The following GMDS variants were observed in gnomAD, a reference collection of about 807,000 sequenced individuals.
The protein encoded by GMDS is GDP-mannose 4,6 dehydratase.
A neutral mutation model predicts 49.9 loss-of-function variants in GMDS; 20 were observed. The ratio of observed to expected loss-of-function variants is 0.40; its 90% CI spans 0.28 to 0.58. The LOEUF is 0.58. Among genes scored for constraint, GMDS ranks in the 20% least tolerant of loss-of-function variants. GMDS has a pLI of 0.42. For synonymous variants in GMDS, 177 were observed against 178.6 expected (o/e 0.99, Z 0.07); for missense variants, 362 against 481.4 (o/e 0.75, Z 2.32).
intron 7 of GMDS, among the ~76,000 whole-genome samples, chr6:1,794,059 C>T (rs1296127297): frequency 6.6e-6 from 1 of 152,122 alleles, no homozygotes; most frequent in African/African-American, 2.4e-5. Context: ...GAATGATTAT[C>T]CCAGGAGGAT....
intron 7 of GMDS, among the ~76,000 whole-genome samples, chr6:1,872,184 G>A (rs990299944): frequency 2.0e-5 from 3 of 152,338 alleles, no homozygotes; most frequent in African/African-American, 7.2e-5. Flanking sequence ...AACACTGGCC[G>A]GAATGCAGTG....
intron 4 of GMDS, among the ~76,000 whole-genome samples, chr6:2,110,549 C>T (rs541319252): frequency 9.4e-4 from 143 of 152,282 alleles, no homozygotes; most frequent in Non-Finnish European, 1.8e-3. Context: ...ACTCTGCCTC[C>T]TGACTGGCAT....
At chr6:1,691,412 A>G (rs533840253) in intron 9 of GMDS, among the ~76,000 whole-genome samples, 45 of 152,298 alleles carry the variant, frequency 3.0e-4, no homozygotes, top group Middle Eastern at 3.4e-3. Context: ...TGCTGGCCTT[A>G]ATACTTAGGT....
intron 4 of GMDS, among the ~76,000 whole-genome samples, chr6:2,017,046 T>G (rs568794798): frequency 2.0e-5 from 3 of 150,714 alleles, no homozygotes; most frequent in Middle Eastern, 3.4e-3. Flanking sequence ...GAAATAAACA[T>G]AAAAGCTGAA....
chr6:2,230,342 T>A (rs989490006), intron 1 of GMDS, among the ~76,000 whole-genome samples: 2 of 152,200 alleles, frequency 1.3e-5, no homozygotes, highest in Admixed American at 6.5e-5. Context: ...CCACAGCCCA[T>A]AAAGGTTAAG....
At chr6:2,161,751 C>T (rs758551898) in intron 1 of GMDS, among the ~76,000 whole-genome samples, 2 of 152,106 alleles carry the variant, frequency 1.3e-5, no homozygotes, top group Non-Finnish European at 2.9e-5. Flanking sequence ...CCAAAGGACC[C>T]CTTTAAGGGA....
chr6:2,004,837 C>T (rs1767053176), intron 4 of GMDS, among the ~76,000 whole-genome samples: 2 of 152,120 alleles, frequency 1.3e-5, no homozygotes, highest in African/African-American at 4.8e-5. Flanking sequence ...CAGTGGGTTT[C>T]TGATGTTTGG....
Position 1,905,234 on chromosome 6 carries a change from G to A in GMDS, c.771+24869C>T, listed in dbSNP as rs559036398. 1.1e-4 allele frequency among the ~76,000 whole-genome samples: 16 copies of A among 152,376 alleles called. 1 individual carries two copies. The South Asian group carries it at 1.4e-3, about 14-fold the overall frequency. ...CACACTGGGCCTCACCCCTGGTGCC[G>A]AGGGCACTGGCCGGTGTCATTAGAG... On this transcript the variant is annotated intron_variant, in intron 7 of 10. Transcript: ENST00000380815.
chr6:1,883,124 C>A (rs780914604), intron 7 of GMDS, among the ~76,000 whole-genome samples: 2 of 151,952 alleles, frequency 1.3e-5, no homozygotes, highest in Non-Finnish European at 1.5e-5. Context: ...TTTTATGGGC[C>A]GGGTGCGGTG....
intron 7 of GMDS, among the ~76,000 whole-genome samples, chr6:1,828,868 G>GC (rs1771238327): frequency 6.6e-6 from 1 of 152,128 alleles, no homozygotes; most frequent in Non-Finnish European, 1.5e-5. Flanking sequence ...CCCCTGCACT[G>GC]TAAAAAAATT....
At chr6:1,918,707 C>A (rs1761546540) in intron 7 of GMDS, among the ~76,000 whole-genome samples, 1 of 152,118 alleles carries the variant, frequency 6.6e-6, no homozygotes, top group Admixed American at 6.5e-5. Flanking sequence ...CAAAATCATG[C>A]CACTGCACTC....
At chr6:1,704,676 C>T (rs1051682380) in intron 9 of GMDS, among the ~76,000 whole-genome samples, 3 of 152,160 alleles carry the variant, frequency 2.0e-5, no homozygotes, top group African/African-American at 7.2e-5. Flanking sequence ...GTAATACGTA[C>T]GCGGTAAGTG....
intron 4 of GMDS, among the ~76,000 whole-genome samples, chr6:2,056,188 C>T (rs544556375): frequency 1.3e-5 from 2 of 152,236 alleles, no homozygotes; most frequent in African/African-American, 4.8e-5. Flanking sequence ...AAATAAGACA[C>T]ATATAACTCC....
At chr6:2,093,562 T>G (rs1773436383) in intron 4 of GMDS, among the ~76,000 whole-genome samples, 1 of 152,188 alleles carries the variant, frequency 6.6e-6, no homozygotes, top group Admixed American at 6.5e-5. Flanking sequence ...AGCATTTTAA[T>G]TATAATGCTC....
chr6:1,678,941 A>T (rs1416796356), intron 9 of GMDS, among the ~76,000 whole-genome samples: 1 of 152,214 alleles, frequency 6.6e-6, no homozygotes, highest in Admixed American at 6.5e-5. Context: ...GCCATAGCAC[A>T]TTCTGATATC....
At position 2,081,156 on chromosome 6, in the gene GMDS, A is replaced by T. The variant is rs973506729; in HGVS notation, c.345+34615T>A. 9.2e-5 allele frequency among the ~76,000 whole-genome samples: 14 copies of T among 152,344 alleles called. No homozygotes were observed. The East Asian group carries it at 2.7e-3, about 29-fold the overall frequency. ...GTGAGAAACCCATGTTCTATATTTT[A>T]AACTTTTGAAAGATGAAAAAGATAT... On this transcript the variant is annotated intron_variant, in intron 4 of 10. Coordinates refer to ENST00000380815, the MANE Select transcript of GMDS (RefSeq NM_001500.4).
At chr6:2,015,921 T>A (rs1186904916) in intron 4 of GMDS, among the ~76,000 whole-genome samples, 1 of 152,036 alleles carries the variant, frequency 6.6e-6, no homozygotes, top group African/African-American at 2.4e-5. Flanking sequence ...TATGGTTTTT[T>A]TCTTTCCTTG....
intron 9 of GMDS, among the ~76,000 whole-genome samples, chr6:1,695,116 G>A (rs1368306640): frequency 6.6e-6 from 1 of 152,102 alleles, no homozygotes; most frequent in East Asian, 1.9e-4. Flanking sequence ...GTGTGAGGAC[G>A]GTCATTTACT....
Position 1,635,700 on chromosome 6 carries a change from C to T in GMDS, c.988-11160G>A, listed in dbSNP as rs1009129515. Among the ~76,000 whole-genome samples the T allele has an allele frequency of 2.0e-5, 3 of 152,158 alleles. No individual in the cohort carries two copies. Among genetic ancestry groups the T allele is most frequent in the East Asian group, 1.9e-4 (1 of 5,184 alleles). ...TGGCCCTCAAGTCTGCAGATGCAAA[C>T]GAGAGCCTGGTTCATACTCTGCCAA... On this transcript the variant is annotated intron_variant, in intron 9 of 10. Transcript: ENST00000380815. The surrounding 1 kb of genome is among the most constrained non-coding windows in gnomAD (Gnocchi z 4.7).
Sources: allele counts gnomAD v4.1 joint callset (sites outside exome capture counted in the v4.1 genomes callset), GRCh38; gene constraint gnomAD v4.1.1; non-coding constraint Gnocchi (gnomAD v3.1); transcripts MANE v1.5; gene names NCBI Gene and HGNC (gene_info 2026-07-23, HGNC 2026-07-21).